The following PDE4D variants were observed in gnomAD, a reference collection of about 807,000 sequenced individuals.
PDE4D encodes phosphodiesterase 4D.
In PDE4D, 24 loss-of-function variants were observed where a neutral mutation model predicts 87.4. That is an observed-to-expected ratio of 0.27 (90% CI 0.20 to 0.39). The LOEUF is 0.39. Ranked by LOEUF, PDE4D falls within the 10% of genes least tolerant of loss-of-function variation. PDE4D has a pLI of 1.00. For missense variants in PDE4D, 714 were observed against 1,041.0 expected (o/e 0.69, Z 4.32); for synonymous variants, 384 against 383.2 (o/e 1.00, Z -0.02).
At chr5:59,909,573 T>C (rs1325981520) in intron 3 of PDE4D, among the ~76,000 whole-genome samples, 3 of 152,060 alleles carry the variant, frequency 2.0e-5, no homozygotes, top group Non-Finnish European at 4.4e-5. Context: ...TTTGTAGACA[T>C]GGAGTTTTAC....
chr5:59,881,031 A>G (rs1484776632), intron 1 of PDE4D, among the ~76,000 whole-genome samples: 1 of 152,214 alleles, frequency 6.6e-6, no homozygotes. Flanking sequence ...TTATGAAATT[A>G]TAAGTGCCAT....
intron 1 of PDE4D, among the ~76,000 whole-genome samples, chr5:60,399,547 G>A (rs575714307): frequency 7.9e-5 from 12 of 152,298 alleles, no homozygotes; most frequent in Non-Finnish European, 1.6e-4. Flanking sequence ...GGCAGTCATG[G>A]CACAGATCAT....
At chr5:59,988,200 T>C (rs1252735362) in intron 3 of PDE4D, 5 of 284,776 alleles carry the variant, frequency 1.8e-5, no homozygotes, top group Admixed American at 4.9e-5. Context: ...TTCTATCAAG[T>C]CACATATGGC....
intron 1 of PDE4D, among the ~76,000 whole-genome samples, chr5:60,409,704 G>C (rs992264779): frequency 5.9e-5 from 9 of 152,186 alleles, no homozygotes; most frequent in African/African-American, 2.2e-4. Context: ...TTCAAAACAG[G>C]CCATTTGCCA....
intron 1 of PDE4D, among the ~76,000 whole-genome samples, chr5:59,232,780 T>C (rs531815537): frequency 5.3e-5 from 8 of 151,138 alleles, no homozygotes; most frequent in Non-Finnish European, 1.2e-4. Context: ...AACCAAAGTA[T>C]CCACCAACAA....
At chr5:59,924,874 C>A (rs1755067847) in intron 3 of PDE4D, among the ~76,000 whole-genome samples, 1 of 151,814 alleles carries the variant, frequency 6.6e-6, no homozygotes, top group African/African-American at 2.4e-5. Flanking sequence ...AAAGACAAAC[C>A]AATCAAAAAT....
intron 1 of PDE4D, among the ~76,000 whole-genome samples, chr5:60,366,054 A>G (rs946830149): frequency 3.3e-5 from 5 of 151,748 alleles, no homozygotes; most frequent in East Asian, 2.0e-4. Context: ...AAAAAAAAAA[A>G]AAAAAAAATC....
chr5:59,686,870 T>G (rs1749958421), intron 1 of PDE4D, among the ~76,000 whole-genome samples: 1 of 152,146 alleles, frequency 6.6e-6, no homozygotes, highest in Non-Finnish European at 1.5e-5. Flanking sequence ...GAGGATGGAA[T>G]TGTCAAATCT....
intron 2 of PDE4D, among the ~76,000 whole-genome samples, chr5:60,108,160 G>T (rs1012122155): frequency 2.6e-5 from 4 of 151,692 alleles, no homozygotes; most frequent in Non-Finnish European, 5.9e-5. Context: ...CTTCAGCAAA[G>T]TCTCAGGATA....
intron 1 of PDE4D, among the ~76,000 whole-genome samples, chr5:60,233,554 A>T (rs1746062964): frequency 6.6e-6 from 1 of 151,752 alleles, no homozygotes; most frequent in South Asian, 2.1e-4. Flanking sequence ...TACTGTAACT[A>T]ACATTTCCTT....
chr5:60,506,842 C>G (rs35387), intron 1 of PDE4D, among the ~76,000 whole-genome samples: 101,550 of 152,018 alleles, frequency 0.67, 35,047 homozygotes, highest in African/African-American at 0.85. Context: ...CATAGTTCAA[C>G]TGGGACAAAA....
chr5:59,619,076 T>C (rs1324304585), intron 1 of PDE4D, among the ~76,000 whole-genome samples: 2 of 152,190 alleles, frequency 1.3e-5, no homozygotes, highest in African/African-American at 2.4e-5. Flanking sequence ...TAAAAAACTT[T>C]GGAGAATACT....
intron 1 of PDE4D, among the ~76,000 whole-genome samples, chr5:60,266,334 G>A (rs1274943773): frequency 6.6e-6 from 1 of 152,200 alleles, no homozygotes; most frequent in Non-Finnish European, 1.5e-5. Flanking sequence ...AGTGGAATGA[G>A]AGTACTTTTT....
At chr5:59,920,746 A>C (rs931340044) in intron 3 of PDE4D, among the ~76,000 whole-genome samples, 2 of 152,076 alleles carry the variant, frequency 1.3e-5, no homozygotes, top group Non-Finnish European at 2.9e-5. Context: ...CATTCTGAGC[A>C]AAGTATAGCA....
chr5:58,990,136 A>G (rs1229393817), intron 9 of PDE4D, among the ~76,000 whole-genome samples: 1 of 152,172 alleles, frequency 6.6e-6, no homozygotes, highest in Non-Finnish European at 1.5e-5. Context: ...CTGGAACCCA[A>G]GAATACTACG....
At chr5:59,949,635 C>T (rs1021216952) in intron 3 of PDE4D, among the ~76,000 whole-genome samples, 14 of 152,024 alleles carry the variant, frequency 9.2e-5, no homozygotes, top group East Asian at 7.7e-4. Context: ...CAAATCTTTA[C>T]GATATGGATT....
At chr5:59,127,635 C>G (rs985552244) in intron 5 of PDE4D, among the ~76,000 whole-genome samples, 1 of 146,994 alleles carries the variant, frequency 6.8e-6, no homozygotes, top group Non-Finnish European at 1.5e-5. Context: ...ACCCCCCACA[C>G]TCCAGCACCG....
chr5:59,185,344 T>G, intron 3 of PDE4D, 82 bp from the exon 4 acceptor site: 1 of 927,710 alleles, frequency 1.1e-6, no homozygotes, highest in South Asian at 1.5e-5. Flanking sequence ...AAGAGAAAAC[T>G]TGATATTGCT....
chr5:59,830,726 T>G (rs1283976972), intron 1 of PDE4D, among the ~76,000 whole-genome samples: 1 of 151,964 alleles, frequency 6.6e-6, no homozygotes. Flanking sequence ...AATATATGGG[T>G]CAAAAAGGTA....
Sources: gnomAD v4.1 joint callset for allele counts (sites outside exome capture counted in the v4.1 genomes callset) on GRCh38, gnomAD v4.1.1 for gene constraint, MANE v1.5 for transcripts, NCBI Gene and HGNC (gene_info 2026-07-23, HGNC 2026-07-21) for gene names.